Variants in FUBP1 observed in about 807,000 individuals in gnomAD.
The protein encoded by FUBP1 is far upstream element-binding protein 1.
In FUBP1, 16 loss-of-function variants were observed where a neutral mutation model predicts 94.9. The ratio of observed to expected loss-of-function variants is 0.17; its 90% confidence interval spans 0.11 to 0.26. FUBP1 has a LOEUF of 0.26. FUBP1 is among the 10% of genes least tolerant of loss of function. The pLI is 1.00. For missense variants in FUBP1, 583 were observed against 808.6 expected, an observed-to-expected ratio of 0.72 and a Z score of 3.38; for synonymous variants, 279 against 254.9, an observed-to-expected ratio of 1.09 and a Z score of -0.90.
chr1:77,947,400 T>C lies in FUBP1; in HGVS notation c.*1366A>G, dbSNP rs1027166521. 25 of 545,638 alleles carry C rather than the reference T, an allele frequency of 4.6e-5. No homozygotes were observed. Among genetic ancestry groups the C allele is most frequent in the Middle Eastern group, 2.8e-4 (1 of 3,516 alleles). The allele number at this position is 545,638 out of a possible 1,614,324, so 33.8% of individuals were successfully genotyped here. ...TATGGCATTTGCATTATGTGGAACA[T>C]TGACAAAAAGATACTGTTGCAGTTC... is the stretch of plus-strand genomic sequence containing the variant. On this transcript the variant is annotated 3_prime_UTR_variant, in exon 20 of 20. Transcript: ENST00000370768.
At chr1:77,964,406 A>C (rs761762663) in intron 10 of FUBP1, 50 bp from the exon 11 acceptor site, 123 of 1,117,414 alleles carry the variant, frequency 1.1e-4, no homozygotes, top group Admixed American at 2.9e-4. Context: ...TCAGGGTTTA[A>C]AGTAAAAAAA....
chr1:77,979,111 G>C (rs1326490250), upstream of FUBP1: 1 of 1,164,176 alleles, frequency 8.6e-7, no homozygotes, highest in South Asian at 1.6e-5. Context: ...ATTCTTGCGC[G>C]ACCATCGTGC....
At chr1:77,955,478 G>A (rs1026337689) in intron 17 of FUBP1, 149 bp from the exon 18 acceptor site, 4 of 605,256 alleles carry the variant, frequency 6.6e-6, no homozygotes, top group Non-Finnish European at 1.2e-5. Context: ...ATCCCTAACA[G>A]TGCCAAAGAT....
At chr1:77,949,656 A>G (rs774470591) in intron 18 of FUBP1, among the ~76,000 whole-genome samples, 24 of 152,136 alleles carry the variant, frequency 1.6e-4, no homozygotes, top group Admixed American at 3.9e-4. Flanking sequence ...CATTATTAGT[A>G]AAAAAACAGA....
chr1:77,973,477 C>T (rs546037197), intron 1 of FUBP1, among the ~76,000 whole-genome samples: 3 of 150,068 alleles, frequency 2.0e-5, no homozygotes, highest in South Asian at 2.1e-4. Flanking sequence ...AACTCCTGAC[C>T]GCAAGTGATC....
chr1:77,956,827 A>G (rs1654556088), intron 16 of FUBP1, 127 bp from the exon 17 acceptor site: 1 of 548,558 alleles, frequency 1.8e-6, no homozygotes, highest in Non-Finnish European at 3.1e-6. Flanking sequence ...GAACATTAAA[A>G]AAAGTATATG....
intron 16 of FUBP1, among the ~76,000 whole-genome samples, chr1:77,957,917 A>G (rs538097799): frequency 1.3e-5 from 2 of 150,852 alleles, no homozygotes; most frequent in African/African-American, 4.9e-5. Flanking sequence ...TCAGCCTCCT[A>G]AGTAGCTGGG....
intron 14 of FUBP1, 150 bp from the exon 15 acceptor site, chr1:77,960,645 A>G: frequency 1.7e-6 from 1 of 575,448 alleles, no homozygotes; most frequent in Non-Finnish European, 3.0e-6. Context: ...TTTTGCAAAA[A>G]CTATTTCATC....
chr1:77,972,761 C>CAAAAAAGAAAAAAAGAAA (rs1657812949), intron 1 of FUBP1, among the ~76,000 whole-genome samples: 1 of 139,228 alleles, frequency 7.2e-6, no homozygotes, highest in East Asian at 2.0e-4. Flanking sequence ...GACTCTGTCT[C>CAAAAAAGAAAAAAAGAAA]AAAAAAGAAA....
chr1:77,964,594 T>C (rs1656127932), intron 10 of FUBP1, 52 bp downstream of exon 10: 2 of 998,382 alleles, frequency 2.0e-6, no homozygotes, highest in African/African-American at 1.6e-5. Context: ...GAAAACACTA[T>C]TATATTTATG....
chr1:77,964,853 T>C lies in FUBP1; in HGVS notation c.735+17A>G, dbSNP rs761536017. The C allele has an allele frequency of 3.2e-6, 5 of 1,553,932 alleles. No individual in the cohort carries two copies. The highest frequency in any genetic ancestry group is 4.4e-6 in the Non-Finnish European group (5 of 1,125,330). ...TTCAACCCACTCTTTCTTTATAAAG[T>C]ATAAAGTTAAGTTTACTTGAACTTT... On this transcript the variant is annotated intron_variant, in intron 9 of 19. Coordinates refer to ENST00000370768, the MANE Select transcript of FUBP1 (RefSeq NM_003902.5).
rs1414213741 is a variant in FUBP1 at position 77,964,361 on chromosome 1, T to C, written c.838-5A>G. On this transcript the variant is annotated splice_region_variant and splice_polypyrimidine_tract_variant and intron_variant, in intron 10 of 19. Coordinates refer to ENST00000370768, the MANE Select transcript of FUBP1 (RefSeq NM_003902.5). ...AGCAAATCTTGGAATGGGGACCTTA[T>C]GTAAAAAAGACTAAGTATTAAGAAA... 3.9e-6 allele frequency: 6 copies of C among 1,528,264 alleles called. No homozygotes were observed. Among genetic ancestry groups the C allele is most frequent in the Admixed American group, 3.3e-5 (2 of 59,756 alleles). The allele number at this position is 1,528,264 out of a possible 1,614,324, so 94.7% of individuals were successfully genotyped here. A position where few individuals can be genotyped will look rare whatever the true frequency, so the allele number is the denominator to read the frequency against.
intron 9 of FUBP1, 28 bp from the exon 10 acceptor site, chr1:77,964,775 G>C (rs746961155): frequency 6.5e-7 from 1 of 1,540,618 alleles, no homozygotes; most frequent in Non-Finnish European, 9.0e-7. Context: ...AGCTAATTTA[G>C]AAAGCATGTC....
chr1:77,969,121 A>C, intron 2 of FUBP1: 1 of 793,264 alleles, frequency 1.3e-6, no homozygotes. Context: ...TACATACAAC[A>C]TCTGAAGCAT....
intron 12 of FUBP1, 46 bp from the exon 13 acceptor site, chr1:77,963,761 T>C (rs902982962): frequency 6.7e-7 from 1 of 1,500,944 alleles, no homozygotes; most frequent in Non-Finnish European, 9.1e-7. Flanking sequence ...ACAGAAATAC[T>C]TTTGTTTCAT....
intron 1 of FUBP1, among the ~76,000 whole-genome samples, chr1:77,970,304 T>A (rs1657280688): frequency 7.4e-6 from 1 of 135,774 alleles, no homozygotes; most frequent in Admixed American, 7.2e-5. Flanking sequence ...AAAATCTGGA[T>A]CCTATCTGGC....
chr1:77,955,464 T>C lies in FUBP1; in HGVS notation c.1706-135A>G, dbSNP rs1394606183. On this transcript the variant is annotated intron_variant, in intron 17 of 19. Transcript: ENST00000370768. The stretch of plus-strand genomic sequence containing the variant: ...GTAGGAGGGAAGTACTATGTGGTGG[T>C]GGCATCCCTAACAGTGCCAAAGATA... 4 of 629,416 alleles carry C rather than the reference T, an allele frequency of 6.4e-6. No individual in the cohort carries two copies. The East Asian group carries it at 1.1e-4, about 18-fold the overall frequency. 39.0% of individuals were successfully genotyped at this position (629,416 alleles called of 1,614,324 possible). A position where few individuals can be genotyped will look rare whatever the true frequency, so the allele number is the denominator to read the frequency against.
At position 77,964,679 on chromosome 1, in the gene FUBP1, A is replaced by G; in HGVS notation, c.804T>C (p.Tyr268=). ...QGGFREVRNE[Y]GSRIGGNEGI... ...CTTCATTTCCTCCTATTCTTGACCC[A>G]TACTCATTCCGAACTTCTCTGAAAC... Residue 268 remains tyrosine (Y), a synonymous_variant, in exon 10 of 20, where the codon TAT becomes TAC. Transcript: ENST00000370768. 2 of 1,609,198 alleles carry G rather than the reference A, an allele frequency of 1.2e-6. No homozygotes were observed. The highest frequency in any genetic ancestry group is 1.7e-6 in the Non-Finnish European group (2 of 1,175,544).
intron 10 of FUBP1, 132 bp downstream of exon 10, chr1:77,964,514 G>C (rs957520381): frequency 8.9e-6 from 6 of 677,000 alleles, no homozygotes; most frequent in Non-Finnish European, 1.5e-5. Flanking sequence ...AAGATATATA[G>C]AATTCTGTAT....
Sources: gnomAD v4.1 joint callset for allele counts (sites outside exome capture counted in the v4.1 genomes callset) on GRCh38, gnomAD v4.1.1 for gene constraint, MANE v1.5 for transcripts, NCBI Gene and HGNC (gene_info 2026-07-23, HGNC 2026-07-21) for gene names.